The following SH3GL2 variants were observed in gnomAD, a reference collection of about 807,000 sequenced individuals.
The protein encoded by SH3GL2 is SH3 domain containing GRB2 like 2, endophilin A1.
Under a neutral mutation model 46.0 loss-of-function variants are expected in SH3GL2, and 24 were observed. The observed-to-expected ratio is 0.52, with a 90% CI of 0.38 to 0.73. The LOEUF (loss-of-function observed/expected upper bound fraction) is 0.73. Ranked by LOEUF, SH3GL2 falls within the 30% of genes least tolerant of loss-of-function variation. The pLI is 0.00. For missense variants in SH3GL2, 413 were observed against 424.2 expected (o/e 0.97, Z 0.23); for synonymous variants, 196 against 147.1 (o/e 1.33, Z -2.40).
intron 1 of SH3GL2, among the ~76,000 whole-genome samples, chr9:17,698,605 C>T (rs1034673145): frequency 6.6e-6 from 1 of 151,874 alleles, no homozygotes; most frequent in Non-Finnish European, 1.5e-5. Flanking sequence ...GAGTAATATA[C>T]AACTAAGAGA....
chr9:17,678,811 A>G (rs1251455978), intron 1 of SH3GL2, among the ~76,000 whole-genome samples: 1 of 152,236 alleles, frequency 6.6e-6, no homozygotes, highest in Non-Finnish European at 1.5e-5. Flanking sequence ...TTTTTGTATA[A>G]GGTGTAAGGA....
At position 17,718,420 on chromosome 9, in the gene SH3GL2, C is replaced by G. The variant is rs11998777; in HGVS notation, c.46-28646C>G. Among the ~76,000 whole-genome samples the G allele has an allele frequency of 4.8e-3, 732 of 152,196 alleles. 12 individuals are homozygous for G. Among genetic ancestry groups the G allele is most frequent in the East Asian group, 0.026 (136 of 5,164 alleles). On this transcript the variant is annotated intron_variant, in intron 1 of 8. Transcript: ENST00000380607. ...CAGCATTTCTTAAAGGCCTGGAGAC[C>G]GTGTTAAAAATGCAGATTCTGGCCA... is the stretch of plus-strand genomic sequence containing the variant.
chr9:17,659,784 T>C (rs1209332842), intron 1 of SH3GL2, among the ~76,000 whole-genome samples: 1 of 152,174 alleles, frequency 6.6e-6, no homozygotes, highest in Non-Finnish European at 1.5e-5. Context: ...CAAAAAATAA[T>C]TGGGAAGTTA....
At chr9:17,695,044 C>G (rs1036490704) in intron 1 of SH3GL2, among the ~76,000 whole-genome samples, 2 of 151,888 alleles carry the variant, frequency 1.3e-5, no homozygotes, top group Non-Finnish European at 1.5e-5. Context: ...CCAGAGATCA[C>G]TAGAGGGGAA....
chr9:17,707,868 A>G (rs189888356), intron 1 of SH3GL2, among the ~76,000 whole-genome samples: 123 of 152,148 alleles, frequency 8.1e-4, no homozygotes, highest in African/African-American at 2.7e-3. Flanking sequence ...CCTCACATGC[A>G]TATTCTGTTT....
intron 1 of SH3GL2, among the ~76,000 whole-genome samples, chr9:17,688,067 AC>A (rs1820969568): frequency 6.6e-6 from 1 of 152,020 alleles, no homozygotes; most frequent in African/African-American, 2.4e-5. Flanking sequence ...CCCTGCTTTC[AC>A]CTAAGTTCAT....
intron 1 of SH3GL2, among the ~76,000 whole-genome samples, chr9:17,696,053 C>A (rs2118165466): frequency 6.6e-6 from 1 of 152,232 alleles, no homozygotes. Context: ...CAAATCACAA[C>A]TTCCCCGAGC....
At chr9:17,678,516 A>G (rs1202056134) in intron 1 of SH3GL2, among the ~76,000 whole-genome samples, 1 of 152,176 alleles carries the variant, frequency 6.6e-6, no homozygotes, top group Non-Finnish European at 1.5e-5. Context: ...AGTTCATTGT[A>G]GATTGTGGAT....
chr9:17,751,835 A>G (rs1822856791), intron 2 of SH3GL2, among the ~76,000 whole-genome samples: 1 of 151,892 alleles, frequency 6.6e-6, no homozygotes, highest in Non-Finnish European at 1.5e-5. Context: ...GGAGGCGTGG[A>G]GCATTGTGCT....
chr9:17,622,340 C>T (rs1563786077), intron 1 of SH3GL2, among the ~76,000 whole-genome samples: 1 of 152,104 alleles, frequency 6.6e-6, no homozygotes, highest in Non-Finnish European at 1.5e-5. Flanking sequence ...GGGAGGATAG[C>T]TTCCAATTTT....
chr9:17,630,869 A>G (rs1272217984), intron 1 of SH3GL2, among the ~76,000 whole-genome samples: 1 of 152,162 alleles, frequency 6.6e-6, no homozygotes, highest in Non-Finnish European at 1.5e-5. Flanking sequence ...AAGGTGGGGC[A>G]GGACCTATAA....
chr9:17,580,700 A>G (rs934462461), intron 1 of SH3GL2, among the ~76,000 whole-genome samples: 7 of 152,212 alleles, frequency 4.6e-5, no homozygotes, highest in African/African-American at 1.2e-4. Context: ...TAATAACTTT[A>G]TACTGCAAGT....
Position 17,738,651 on chromosome 9 carries a change from G to T in SH3GL2, c.46-8415G>T, listed in dbSNP as rs1411087559. ...TTATATATATATATATAGAGAGAGA[G>T]AGAGAGAGAGAGAGAGAGAGAGATA... is the stretch of plus-strand genomic sequence containing the variant. On this transcript the variant is annotated intron_variant, in intron 1 of 8. Coordinates refer to ENST00000380607, the MANE Select transcript of SH3GL2 (RefSeq NM_003026.5). Among the ~76,000 whole-genome samples, 358 of 87,412 alleles carry T rather than the reference G, an allele frequency of 4.1e-3. 6 individuals are homozygous for T. The highest frequency in any genetic ancestry group is 0.013 in the African/African-American group (313 of 23,992). 57.3% of individuals were successfully genotyped at this position (87,412 alleles called of 152,430 possible).
chr9:17,579,388 C>A, intron 1 of SH3GL2, 101 bp downstream of exon 1: 1 of 640,110 alleles, frequency 1.6e-6, no homozygotes, highest in East Asian at 3.9e-5. Context: ...AGTTCGGCAC[C>A]GAGCCTCGCC....
intron 3 of SH3GL2, among the ~76,000 whole-genome samples, chr9:17,778,513 G>T (rs10810851): frequency 0.44 from 66,121 of 151,954 alleles, 15,349 homozygotes; most frequent in East Asian, 0.78. Context: ...GAGCAGATAG[G>T]ACCTTGTCAC....
chr9:17,635,073 T>C lies in SH3GL2; in HGVS notation c.45+55786T>C, dbSNP rs1448000065. ...TCATGGGAGTTTGTTGTACAGATGA[T>C]TTCATCACCCAGGTATTAAGCCTAG... On this transcript the variant is annotated intron_variant, in intron 1 of 8. Coordinates refer to ENST00000380607, the MANE Select transcript of SH3GL2 (RefSeq NM_003026.5). 3.3e-5 allele frequency among the ~76,000 whole-genome samples: 5 copies of C among 152,266 alleles called. No homozygotes were observed. In the East Asian group the frequency reaches 9.6e-4, roughly 29 times the overall value.
intron 1 of SH3GL2, among the ~76,000 whole-genome samples, chr9:17,649,304 C>T (rs774566168): frequency 3.9e-5 from 6 of 152,194 alleles, no homozygotes; most frequent in East Asian, 1.9e-4. Context: ...TGACCTTAAG[C>T]GAACCACCTG....
intron 3 of SH3GL2, among the ~76,000 whole-genome samples, chr9:17,765,052 C>G (rs1310619136): frequency 6.5e-4 from 4 of 6,118 alleles, no homozygotes; most frequent in African/African-American, 1.1e-3. Context: ...CAGGCCAGGG[C>G]AATCAGTAGG....
intron 1 of SH3GL2, among the ~76,000 whole-genome samples, chr9:17,730,817 T>C (rs1044757739): frequency 1.1e-4 from 16 of 152,124 alleles, no homozygotes; most frequent in African/African-American, 3.9e-4. Flanking sequence ...CAGGAAACTA[T>C]AGTTCTTTGG....
Sources: allele counts gnomAD v4.1 joint callset (sites outside exome capture counted in the v4.1 genomes callset), GRCh38; gene constraint gnomAD v4.1.1; transcripts MANE v1.5; gene names NCBI Gene and HGNC (gene_info 2026-07-23, HGNC 2026-07-21).